The following ASIC2 variants were observed in gnomAD, a reference collection of about 807,000 sequenced individuals.
The protein encoded by ASIC2 is acid-sensing ion channel 2.
A neutral mutation model predicts 57.3 loss-of-function variants in ASIC2; 25 were observed. The ratio of observed to expected loss-of-function variants is 0.44; its 90% CI spans 0.32 to 0.61. The LOEUF is 0.61. Among genes scored for constraint, ASIC2 ranks in the 20% least tolerant of loss-of-function variants. The pLI is 0.06. For synonymous variants in ASIC2, 319 were observed against 307.5 expected, an observed-to-expected ratio of 1.04 and a Z score of -0.39; for missense variants, 641 against 738.1, an observed-to-expected ratio of 0.87 and a Z score of 1.52.
chr17:33,098,997 A>T (rs934740573), intron 2 of ASIC2, among the ~76,000 whole-genome samples: 7 of 150,166 alleles, frequency 4.7e-5, no homozygotes, highest in South Asian at 2.1e-4. Context: ...ATAAAAACAA[A>T]ATATATATAT....
chr17:33,735,108 G>A (rs1404423177), intron 1 of ASIC2, among the ~76,000 whole-genome samples: 3 of 152,036 alleles, frequency 2.0e-5, no homozygotes, highest in African/African-American at 7.2e-5. Flanking sequence ...CAGTTTCTGT[G>A]ACTGTCATAT....
At chr17:33,977,777 C>T (rs1280866784) in intron 1 of ASIC2, among the ~76,000 whole-genome samples, 1 of 152,218 alleles carries the variant, frequency 6.6e-6, no homozygotes, top group Non-Finnish European at 1.5e-5. Context: ...TCCCTCCCAA[C>T]AGAAGCCTCA....
intron 1 of ASIC2, among the ~76,000 whole-genome samples, chr17:33,807,427 C>T (rs941827977): frequency 5.3e-5 from 8 of 152,184 alleles, no homozygotes; most frequent in Admixed American, 3.3e-4. Flanking sequence ...GGTGGGTAAA[C>T]ACCACAATTG....
intron 1 of ASIC2, among the ~76,000 whole-genome samples, chr17:33,262,135 G>C (rs1292518274): frequency 6.6e-6 from 1 of 152,198 alleles, no homozygotes; most frequent in Non-Finnish European, 1.5e-5. Flanking sequence ...AAAATGTCTG[G>C]CCCTCCCAGT....
intron 1 of ASIC2, among the ~76,000 whole-genome samples, chr17:33,386,296 G>T (rs971752101): frequency 1.3e-5 from 2 of 152,094 alleles, no homozygotes; most frequent in Admixed American, 6.5e-5. Flanking sequence ...CCATGTGACT[G>T]TCTGTCTCAT....
chr17:34,102,630 C>T (rs955430890), intron 1 of ASIC2, among the ~76,000 whole-genome samples: 2 of 152,100 alleles, frequency 1.3e-5, no homozygotes, highest in Admixed American at 6.5e-5. Context: ...GAGATTTACC[C>T]ATGTTATTCC....
intron 3 of ASIC2, among the ~76,000 whole-genome samples, chr17:33,075,630 G>A (rs1269840156): frequency 6.6e-6 from 1 of 152,162 alleles, no homozygotes; most frequent in East Asian, 1.9e-4. Flanking sequence ...CTCCCCTGCT[G>A]GTCTGCTCCT....
At chr17:33,075,540 G>T (rs542445394) in intron 3 of ASIC2, among the ~76,000 whole-genome samples, 1 of 152,196 alleles carries the variant, frequency 6.6e-6, no homozygotes, top group South Asian at 2.1e-4. Flanking sequence ...ACCCTTTCAG[G>T]TCACAGAAGC....
At chr17:33,298,733 A>G (rs902658635) in intron 1 of ASIC2, among the ~76,000 whole-genome samples, 11 of 152,246 alleles carry the variant, frequency 7.2e-5, no homozygotes, top group Non-Finnish European at 1.2e-4. Flanking sequence ...AAGTGTTCCT[A>G]TTTCTCCACA....
At chr17:33,595,091 C>G (rs937016094) in intron 1 of ASIC2, among the ~76,000 whole-genome samples, 1 of 151,586 alleles carries the variant, frequency 6.6e-6, no homozygotes, top group Non-Finnish European at 1.5e-5. Context: ...CTGGGCTTGG[C>G]GGCAAGTACC....
intron 1 of ASIC2, among the ~76,000 whole-genome samples, chr17:33,877,124 A>G (rs1029741330): frequency 6.6e-6 from 1 of 152,134 alleles, no homozygotes; most frequent in African/African-American, 2.4e-5. Context: ...GTGCTGAATA[A>G]AAGTCTGATG....
At chr17:33,659,733 G>A (rs1448543574) in intron 1 of ASIC2, among the ~76,000 whole-genome samples, 5 of 151,846 alleles carry the variant, frequency 3.3e-5, no homozygotes, top group Non-Finnish European at 7.4e-5. Context: ...TTAGCCGGGC[G>A]AGGTGGCAGG....
intron 1 of ASIC2, among the ~76,000 whole-genome samples, chr17:33,372,775 TG>T (rs1909126126): frequency 6.6e-6 from 1 of 152,164 alleles, no homozygotes; most frequent in Non-Finnish European, 1.5e-5. Flanking sequence ...ACAGCTGTGA[TG>T]GGGCTTCCAC....
chr17:34,045,177 C>T (rs933439150), intron 1 of ASIC2, among the ~76,000 whole-genome samples: 2 of 152,056 alleles, frequency 1.3e-5, no homozygotes, highest in African/African-American at 4.8e-5. Context: ...TCCTGCCTAG[C>T]ATCCAAAAAG....
chr17:34,037,537 G>A (rs149906452), intron 1 of ASIC2: 14,383 of 1,320,922 alleles, frequency 0.011, 109 homozygotes, highest in Middle Eastern at 0.026. Flanking sequence ...AGATCCATTC[G>A]GATTCGCTAT....
rs570850947 is a variant in ASIC2 at position 33,032,127 on chromosome 17, C to T, written c.988-3735G>A. On this transcript the variant is annotated intron_variant, in intron 3 of 9. Transcript: ENST00000225823. ...ACTTAATGCAATTTTTGATATAGTT[C>T]GGTTGAAGTTATCATGTTGTTCTTT... Among the ~76,000 whole-genome samples, 12 of 152,178 alleles carry T rather than the reference C, an allele frequency of 7.9e-5. No individual in the cohort carries two copies. In the East Asian group the frequency reaches 1.2e-3, roughly 15 times the overall value.
chr17:33,654,370 C>T (rs1050853355), intron 1 of ASIC2, among the ~76,000 whole-genome samples: 4 of 152,240 alleles, frequency 2.6e-5, no homozygotes, highest in Non-Finnish European at 5.9e-5. Flanking sequence ...CCCCTAAGCA[C>T]ATCTGAACTG....
chr17:33,944,536 A>G (rs1273737768), intron 1 of ASIC2, among the ~76,000 whole-genome samples: 1 of 152,290 alleles, frequency 6.6e-6, no homozygotes, highest in Non-Finnish European at 1.5e-5. Context: ...GTAGGGCTGG[A>G]TGGAGAGGAG....
At chr17:33,836,631 G>A (rs1913282151) in intron 1 of ASIC2, among the ~76,000 whole-genome samples, 1 of 152,066 alleles carries the variant, frequency 6.6e-6, no homozygotes, top group South Asian at 2.1e-4. Flanking sequence ...AAGGCAGGTG[G>A]ATCACAAGAT....
Sources: gnomAD v4.1 joint callset for allele counts (sites outside exome capture counted in the v4.1 genomes callset) on GRCh38, gnomAD v4.1.1 for gene constraint, MANE v1.5 for transcripts, NCBI Gene and HGNC (gene_info 2026-07-23, HGNC 2026-07-21) for gene names.